ZCCHC2: variants seen among roughly 807,000 people sequenced by gnomAD.
The protein encoded by ZCCHC2 is zinc finger CCHC domain-containing protein 2.
Under a neutral mutation model 103.6 loss-of-function variants are expected in ZCCHC2, and 39 were observed. The ratio of observed to expected loss-of-function variants is 0.38; its 90% CI spans 0.29 to 0.49. The LOEUF is 0.49. ZCCHC2 is among the 20% of genes least tolerant of loss of function. ZCCHC2 has a pLI of 0.96. For missense variants in ZCCHC2, 1,483 were observed against 1,491.0 expected (o/e 0.99, Z 0.09); for synonymous variants, 687 against 608.9 (o/e 1.13, Z -1.89).
In ZCCHC2 at chr18:62,574,069, A is replaced by G. The variant is rs1916699462; in HGVS notation, c.1988A>G (p.Asn663Ser). ...EEEKDRDTDSNSEDSGNPSTT... is the reference protein window; with the variant it reads ...EEEKDRDTDSSSEDSGNPSTT... ...TTGTTTTCTTTAGACACAGACAGCA[A>G]TTCTGAGGATTCTGGGAATCCATCA... The change falls in exon 13 of 14, where the codon AAT becomes AGT. Residue 663 changes from asparagine (N) to serine (S), a missense_variant. Around this residue, in one of 3 missense-constraint regions of ZCCHC2, gnomAD observed 884 missense variants for 907.5 expected, o/e 0.97. Coordinates refer to ENST00000269499, the MANE Select transcript of ZCCHC2 (RefSeq NM_017742.6). 2 of 1,613,064 alleles carry G rather than the reference A, an allele frequency of 1.2e-6. No individual in the cohort carries two copies. The highest frequency in any genetic ancestry group is 1.3e-5 in the African/African-American group (1 of 74,882).
chr18:62,526,672 A>G (rs1265934820), intron 1 of ZCCHC2, among the ~76,000 whole-genome samples: 2 of 151,990 alleles, frequency 1.3e-5, no homozygotes, highest in Admixed American at 1.3e-4. Flanking sequence ...GTCAGGGATG[A>G]GCCCAAAGCT....
downstream of ZCCHC2, among the ~76,000 whole-genome samples, chr18:62,578,748 C>G (rs1916956113): frequency 6.6e-6 from 1 of 152,116 alleles, no homozygotes; most frequent in African/African-American, 2.4e-5. Flanking sequence ...CATCTGGATG[C>G]TCCTCAGTTC....
chr18:62,552,493 A>T (rs1360259387), intron 5 of ZCCHC2: 3 of 152,190 alleles, frequency 2.0e-5, no homozygotes, highest in African/African-American at 7.2e-5. Context: ...TTTATGGTTT[A>T]GGAAAAAAGT....
intron 1 of ZCCHC2, among the ~76,000 whole-genome samples, chr18:62,538,483 T>G (rs962047989): frequency 4.6e-5 from 7 of 152,230 alleles, no homozygotes; most frequent in African/African-American, 7.2e-5. Flanking sequence ...ATGGTTTTGT[T>G]ATTAAAATAA....
chr18:62,561,622 C>G (rs1916122005), intron 8 of ZCCHC2, among the ~76,000 whole-genome samples: 1 of 152,216 alleles, frequency 6.6e-6, no homozygotes, highest in Non-Finnish European at 1.5e-5. Flanking sequence ...CCATTTCATC[C>G]TCTCCACTCC....
chr18:62,538,755 A>G (rs1043260985), intron 1 of ZCCHC2, among the ~76,000 whole-genome samples: 1 of 152,210 alleles, frequency 6.6e-6, no homozygotes, highest in African/African-American at 2.4e-5. Flanking sequence ...GGGATGTGTG[A>G]TTAGACAGCA....
Position 62,532,524 on chromosome 18 carries a change from A to C in ZCCHC2, c.940-7157A>C, listed in dbSNP as rs867777663. On this transcript the variant is annotated intron_variant, in intron 1 of 13. Coordinates refer to ENST00000269499, the MANE Select transcript of ZCCHC2 (RefSeq NM_017742.6). ...GAGTGACTGATGGACCCTGGCCTCT[A>C]ATAGGCCTTTAGACTCAAAATCTCC... 3.2e-4 allele frequency among the ~76,000 whole-genome samples: 49 copies of C among 152,202 alleles called. 1 individual carries two copies. The highest frequency in any genetic ancestry group is 1.1e-3 in the African/African-American group (45 of 41,454).
intron 1 of ZCCHC2, among the ~76,000 whole-genome samples, chr18:62,528,691 T>C (rs1380959529): frequency 6.6e-6 from 1 of 152,054 alleles, no homozygotes; most frequent in East Asian, 1.9e-4. Flanking sequence ...AACTTCGCAA[T>C]ATAGGAAACA....
downstream of ZCCHC2, among the ~76,000 whole-genome samples, chr18:62,579,146 C>T (rs989821303): frequency 2.0e-5 from 3 of 152,174 alleles, no homozygotes; most frequent in Non-Finnish European, 2.9e-5. Flanking sequence ...TTTGAGTACT[C>T]GGCTGCGTGC....
At chr18:62,576,451 T>A in intron 13 of ZCCHC2, 61 bp from the exon 14 acceptor site, 1 of 1,436,356 alleles carries the variant, frequency 7.0e-7, no homozygotes, top group East Asian at 2.3e-5. Flanking sequence ...AGCTTGTACG[T>A]AGTGGTTTGT....
chr18:62,567,182 C>G (rs1392675824), intron 11 of ZCCHC2, among the ~76,000 whole-genome samples: 1 of 152,196 alleles, frequency 6.6e-6, no homozygotes, highest in African/African-American at 2.4e-5. Context: ...AAAAACCCCT[C>G]TGTGTATTAA....
intron 7 of ZCCHC2, among the ~76,000 whole-genome samples, chr18:62,559,356 G>GTGA (rs1916023855): frequency 6.6e-6 from 1 of 152,184 alleles, no homozygotes; most frequent in Non-Finnish European, 1.5e-5. Context: ...ACATAAATAG[G>GTGA]TGATTCTGAG....
chr18:62,533,385 G>A (rs137943286), intron 1 of ZCCHC2, among the ~76,000 whole-genome samples: 29 of 151,584 alleles, frequency 1.9e-4, no homozygotes, highest in African/African-American at 6.3e-4. Flanking sequence ...AATTAGTCGG[G>A]CGTGTAGTGG....
chr18:62,556,111 C>T, intron 5 of ZCCHC2, 92 bp from the exon 6 acceptor site: 1 of 917,706 alleles, frequency 1.1e-6, no homozygotes, highest in South Asian at 1.8e-5. Flanking sequence ...CTGAATTAAA[C>T]TGCCACTTCA....
intron 5 of ZCCHC2, 93 bp downstream of exon 5, chr18:62,550,553 C>T (rs1012875915): frequency 4.0e-5 from 35 of 868,632 alleles, no homozygotes; most frequent in Middle Eastern, 2.4e-4. Context: ...TCATAGAGAT[C>T]CTTTCTCTGG....
At chr18:62,558,546 A>G in intron 6 of ZCCHC2, 141 bp from the exon 7 acceptor site, 1 of 509,308 alleles carries the variant, frequency 2.0e-6, no homozygotes. Flanking sequence ...GGGCTGTGTC[A>G]TCTTGCCTTC....
At chr18:62,582,741 G>A (rs939141358), downstream of ZCCHC2, among the ~76,000 whole-genome samples, 1 of 152,088 alleles carries the variant, frequency 6.6e-6, no homozygotes, top group Non-Finnish European at 1.5e-5. Context: ...TAATGAAATA[G>A]CACTGAGAAG....
intron 7 of ZCCHC2, among the ~76,000 whole-genome samples, chr18:62,560,077 C>A (rs938426363): frequency 6.6e-6 from 1 of 152,160 alleles, no homozygotes; most frequent in Non-Finnish European, 1.5e-5. Flanking sequence ...TTAAAACTTG[C>A]ACTAGAATGT....
Position 62,575,499 on chromosome 18 carries a change from G to A in ZCCHC2, c.3418G>A (p.Gly1140Arg), listed in dbSNP as rs1346639148. Residue 1140 changes from glycine (G) to arginine (R), a missense_variant, in exon 13 of 14, where the codon GGA (glycine) becomes AGA (arginine). By Grantham distance (125) the Gly-to-Arg change is moderately radical. Coordinates refer to ENST00000269499, the MANE Select transcript of ZCCHC2 (RefSeq NM_017742.6). ...NVSCYNCGVS[G>R]HYAQDCKQSS... The stretch of plus-strand genomic sequence containing the variant: ...CTCATGTTACAATTGTGGTGTAAGC[G>A]GACACTATGCACAGGACTGTAAGCA... 1.4e-5 allele frequency: 23 copies of A among 1,613,842 alleles called. No homozygotes were observed. Among genetic ancestry groups the A allele is most frequent in the Non-Finnish European group, 1.7e-5 (20 of 1,179,898 alleles).
Sources: gnomAD v4.1 joint callset for allele counts (sites outside exome capture counted in the v4.1 genomes callset) on GRCh38, gnomAD v4.1.1 for gene constraint, gnomAD v4.1.1 regional missense constraint, MANE v1.5 for transcripts, NCBI Gene and HGNC (gene_info 2026-07-23, HGNC 2026-07-21) for gene names.